GPR153: variants seen among roughly 807,000 people sequenced by gnomAD.
GPR153 encodes the protein G protein-coupled receptor 153, also known as probable G protein-coupled receptor 153.
In GPR153, 27 loss-of-function variants were observed where a neutral mutation model predicts 34.1. That is an observed-to-expected ratio of 0.79 (90% CI 0.58 to 1.09). GPR153 has a LOEUF of 1.09. Among genes scored for constraint, GPR153 ranks in the 50% least tolerant of loss-of-function variants. The pLI, the probability that GPR153 is intolerant of heterozygous loss-of-function variation, is 0.00. For missense variants in GPR153, 848 were observed against 860.2 expected, an observed-to-expected ratio of 0.99 and a Z score of 0.18; for synonymous variants, 408 against 405.4, an observed-to-expected ratio of 1.01 and a Z score of -0.08.
chr1:6,253,346 A>C (rs1638489024), intron 3 of GPR153, among the ~76,000 whole-genome samples: 1 of 152,254 alleles, frequency 6.6e-6, no homozygotes, highest in Non-Finnish European at 1.5e-5. Context: ...CAGTGAGCTG[A>C]GATTGTGCCA....
chr1:6,249,277 G>T lies in GPR153; in HGVS notation c.*61C>A. Reference sequence around the variant, plus strand: ...CGCGGGGCGGAGGCGGGCGTCTTTGGTGCTGCGGCCCCGGAGAGCGGCCTG... The same window carrying T: ...CGCGGGGCGGAGGCGGGCGTCTTTGTTGCTGCGGCCCCGGAGAGCGGCCTG... On this transcript the variant is annotated 3_prime_UTR_variant, in exon 6 of 6. Coordinates refer to ENST00000377893, the MANE Select transcript of GPR153 (RefSeq NM_207370.4). This position sits in a 1 kb window ranked among gnomAD's most constrained non-coding sequence, Gnocchi z 4.3. The T allele has an allele frequency of 1.7e-6, 2 of 1,181,454 alleles. No individual in the cohort carries two copies. Among genetic ancestry groups the T allele is most frequent in the East Asian group, 3.2e-5 (1 of 30,914 alleles). 73.2% of individuals were successfully genotyped at this position (1,181,454 alleles called of 1,614,324 possible). A position where few individuals can be genotyped will look rare whatever the true frequency, so the allele number is the denominator to read the frequency against.
At chr1:6,255,802 A>G (rs903995366) in intron 1 of GPR153, among the ~76,000 whole-genome samples, 7 of 151,448 alleles carry the variant, frequency 4.6e-5, no homozygotes, top group African/African-American at 1.7e-4. Context: ...ACAGGCACGC[A>G]CCACCACGCC....
intron 5 of GPR153, chr1:6,250,216 A>T (rs1638410895): frequency 1.0e-6 from 1 of 985,190 alleles, no homozygotes; most frequent in African/African-American, 1.7e-5. Flanking sequence ...CTCGTTGAGG[A>T]TACTGAGCCG....
Sources: allele counts gnomAD v4.1 joint callset (sites outside exome capture counted in the v4.1 genomes callset), GRCh38; gene constraint gnomAD v4.1.1; non-coding constraint Gnocchi (gnomAD v3.1); transcripts MANE v1.5; gene names NCBI Gene and HGNC (gene_info 2026-07-23, HGNC 2026-07-21).